Variants in ABR observed in about 807,000 individuals in gnomAD.
ABR encodes ABR activator of RhoGEF and GTPase, also known as active breakpoint cluster region-related protein.
Under a neutral mutation model 107.2 loss-of-function variants are expected in ABR, and 35 were observed. That is an observed-to-expected ratio of 0.33 (90% CI 0.25 to 0.43). The LOEUF is 0.43. ABR is among the 20% of genes least tolerant of loss of function. The probability of loss-of-function intolerance (pLI) is 1.00; values close to 1 mark genes in which losing one functional copy is unlikely to be tolerated. For synonymous variants in ABR, 498 were observed against 462.0 expected (o/e 1.08, Z -1.00); for missense variants, 815 against 1,115.2 (o/e 0.73, Z 3.83).
chr17:1,064,402 T>C (rs1159863652), intron 10 of ABR, among the ~76,000 whole-genome samples: 3 of 128,834 alleles, frequency 2.3e-5, no homozygotes, highest in East Asian at 2.3e-4. Context: ...CATGTTCCTC[T>C]AGACACTGTT....
upstream of ABR, among the ~76,000 whole-genome samples, chr17:1,191,008 C>G (rs1304034267): frequency 6.6e-6 from 1 of 152,232 alleles, no homozygotes; most frequent in East Asian, 1.9e-4. Flanking sequence ...TTGGGCACGA[C>G]TTCTGCGGCT....
At chr17:1,110,948 C>T (rs779670903) in intron 2 of ABR, among the ~76,000 whole-genome samples, 4 of 152,146 alleles carry the variant, frequency 2.6e-5, no homozygotes, top group East Asian at 1.9e-4. Context: ...TTGGTGCGGG[C>T]GGGTGAGGCT....
At chr17:1,105,315 G>C (rs1175766480) in intron 2 of ABR, among the ~76,000 whole-genome samples, 1 of 151,888 alleles carries the variant, frequency 6.6e-6, no homozygotes, top group East Asian at 1.9e-4. Flanking sequence ...GAACTGACTT[G>C]TAAAAAGCAG....
intron 16 of ABR, among the ~76,000 whole-genome samples, chr17:1,013,867 A>T (rs892203865): frequency 7.2e-5 from 11 of 152,114 alleles, no homozygotes; most frequent in African/African-American, 2.4e-4. Flanking sequence ...GTCAGAGGCA[A>T]CCCTCACACA....
intron 10 of ABR, among the ~76,000 whole-genome samples, chr17:1,060,860 C>T (rs569481323): frequency 1.3e-5 from 2 of 151,980 alleles, no homozygotes; most frequent in East Asian, 3.9e-4. Flanking sequence ...GGCGTGGTGG[C>T]GGACGCCTTT....
At chr17:1,111,950 C>CTT (rs567032480) in intron 2 of ABR, among the ~76,000 whole-genome samples, 1 of 152,244 alleles carries the variant, frequency 6.6e-6, no homozygotes, top group Non-Finnish European at 1.5e-5. Context: ...TCTGAAACAG[C>CTT]TTCCCCTTCC....
At position 1,003,740 on chromosome 17, in the gene ABR, G is replaced by A. The variant is rs2069824182; in HGVS notation, c.*2340C>T. 6.6e-6 allele frequency: 1 copy of A among 152,450 alleles called. No individual in the cohort carries two copies. Among genetic ancestry groups the A allele is most frequent in the Non-Finnish European group, 1.5e-5 (1 of 68,050 alleles). The allele number at this position is 152,450 out of a possible 1,614,324, so 9.4% of individuals were successfully genotyped here. A position where few individuals can be genotyped will look rare whatever the true frequency, so the allele number is the denominator to read the frequency against. On this transcript the variant is annotated 3_prime_UTR_variant, in exon 23 of 23. Coordinates refer to ENST00000302538, the MANE Select transcript of ABR (RefSeq NM_021962.5). Reference sequence around the variant, plus strand: ...AGCCATTGCCCAGCAAGAACAGGCAGACCTGGCGTTTCTTAGCCTGACTCC... The same window carrying A: ...AGCCATTGCCCAGCAAGAACAGGCAAACCTGGCGTTTCTTAGCCTGACTCC...
intron 4 of ABR, among the ~76,000 whole-genome samples, chr17:1,091,239 C>T (rs1361044687): frequency 6.6e-6 from 1 of 152,150 alleles, no homozygotes; most frequent in Non-Finnish European, 1.5e-5. Flanking sequence ...GACTGAAGCC[C>T]AGCAAGAAGC....
chr17:1,160,664 G>A (rs558983049), intron 1 of ABR, among the ~76,000 whole-genome samples: 3 of 152,310 alleles, frequency 2.0e-5, no homozygotes, highest in East Asian at 1.9e-4. Flanking sequence ...GCCAGACGCC[G>A]AGCGCGTACG....
intron 2 of ABR, among the ~76,000 whole-genome samples, chr17:1,102,788 G>A (rs1326284005): frequency 6.6e-6 from 1 of 152,168 alleles, no homozygotes; most frequent in Non-Finnish European, 1.5e-5. Flanking sequence ...TCAGCTCACT[G>A]CAACCTCTGC....
chr17:1,049,997 T>A (rs1372839560), intron 16 of ABR, 53 bp downstream of exon 16: 1 of 1,568,002 alleles, frequency 6.4e-7, no homozygotes, highest in African/African-American at 1.4e-5. Flanking sequence ...CCTTTTCAAC[T>A]GGAACCACCT....
rs1007928094 is a variant in ABR, at chr17:1,194,531, G to T, written c.838+34262C>A. Among the ~76,000 whole-genome samples, 2 of 112,734 alleles carry T rather than the reference G, an allele frequency of 1.8e-5. 1 individual carries two copies. Among genetic ancestry groups the T allele is most frequent in the Non-Finnish European group, 3.8e-5 (2 of 52,496 alleles). The allele number at this position is 112,734 out of a possible 152,430, so 74.0% of individuals were successfully genotyped here. A position where few individuals can be genotyped will look rare whatever the true frequency, so the allele number is the denominator to read the frequency against. ...TTTTAGAGACAAGTCTCACTCTATC[G>T]CCCAGACTGGAGTGTAGTGGTGCAA... On this transcript the variant is annotated intron_variant, in intron 1 of 22. Coordinates refer to the ABR transcript ENST00000574139.
chr17:1,021,057 C>T (rs2071584146), intron 16 of ABR, among the ~76,000 whole-genome samples: 1 of 152,160 alleles, frequency 6.6e-6, no homozygotes, highest in Admixed American at 6.5e-5. Flanking sequence ...ACCACCTCCC[C>T]TCCCACAAGC....
intron 14 of ABR, among the ~76,000 whole-genome samples, chr17:1,053,684 G>T (rs2032858317): frequency 6.6e-6 from 1 of 152,162 alleles, no homozygotes; most frequent in African/African-American, 2.4e-5. Context: ...GGCGAAGGGA[G>T]TGAGGATAAT....
chr17:1,151,670 C>T (rs1186296190), intron 1 of ABR, among the ~76,000 whole-genome samples: 1 of 152,190 alleles, frequency 6.6e-6, no homozygotes, highest in East Asian at 1.9e-4. Flanking sequence ...CCTACAGAGC[C>T]CTGGACAGGA....
At chr17:1,225,995 C>T (rs1163737262) in intron 1 of ABR, among the ~76,000 whole-genome samples, 9 of 152,156 alleles carry the variant, frequency 5.9e-5, no homozygotes, top group African/African-American at 1.4e-4. Flanking sequence ...CATACGCGTC[C>T]GCATAGAACC....
chr17:1,019,465 T>C (rs1354773404), intron 16 of ABR, among the ~76,000 whole-genome samples: 1 of 151,624 alleles, frequency 6.6e-6, no homozygotes, highest in Admixed American at 6.6e-5. Context: ...GGTGTGGCCC[T>C]GGTATCTGCT....
chr17:1,096,041 C>G (rs1004450688), intron 3 of ABR, among the ~76,000 whole-genome samples: 14 of 152,156 alleles, frequency 9.2e-5, no homozygotes, highest in African/African-American at 3.4e-4. Context: ...AGACACAGTT[C>G]CCAAGCTCAG....
At chr17:1,088,371 G>A (rs1044326332) in intron 4 of ABR, among the ~76,000 whole-genome samples, 4 of 151,812 alleles carry the variant, frequency 2.6e-5, no homozygotes, top group African/African-American at 7.3e-5. Context: ...TCCCTGAACC[G>A]GAGGGAGCAG....
Sources: gnomAD v4.1 joint callset for allele counts (sites outside exome capture counted in the v4.1 genomes callset) on GRCh38, gnomAD v4.1.1 for gene constraint, MANE v1.5 for transcripts, NCBI Gene and HGNC (gene_info 2026-07-23, HGNC 2026-07-21) for gene names.